Variants in SPIRE2 observed in about 807,000 individuals in gnomAD.
SPIRE2 encodes spire type actin nucleation factor 2.
A neutral mutation model predicts 80.7 loss-of-function variants in SPIRE2; 76 were observed. The observed-to-expected ratio is 0.94, with a 90% CI of 0.78 to 1.14. The LOEUF is 1.14. Ranked by LOEUF, SPIRE2 falls within the 50% of genes most tolerant of loss-of-function variation. SPIRE2 has a pLI of 0.00. For missense variants in SPIRE2, 1,196 were observed against 1,015.3 expected (o/e 1.18, Z -2.42); for synonymous variants, 535 against 432.6 (o/e 1.24, Z -2.94).
At chr16:89,860,179 C>T (rs2041730104) in intron 9 of SPIRE2, among the ~76,000 whole-genome samples, 1 of 152,162 alleles carries the variant, frequency 6.6e-6, no homozygotes, top group Non-Finnish European at 1.5e-5. Context: ...GGCTCAGACA[C>T]GGGGGCCCTT....
At position 89,858,455 on chromosome 16, in the gene SPIRE2, T is replaced by C. The variant is rs773174068; in HGVS notation, c.1220T>C (p.Val407Ala). 1.9e-6 allele frequency: 3 copies of C among 1,610,598 alleles called. No homozygotes were observed. The highest frequency in any genetic ancestry group is 1.3e-5 in the African/African-American group (1 of 74,984). The change falls in exon 8 of 15, where the codon GTG (valine) becomes GCG (alanine). Residue 407 changes from valine to alanine, a missense_variant. Physicochemically the swap from Val to Ala is moderately conservative, Grantham distance 64. Coordinates refer to ENST00000378247, the MANE Select transcript of SPIRE2 (RefSeq NM_032451.2). ...AGCGCCCAGCGCCCGCGGCCCCGCG[T>C]GCTGCTCAAGGCGCCTACCTTGGCT... The part of the protein sequence containing the change: ...GGSAQRPRPR[V>A]LLKAPTLAEM...
intron 1 of SPIRE2, among the ~76,000 whole-genome samples, chr16:89,838,404 G>T (rs1297036306): frequency 2.0e-5 from 3 of 152,064 alleles, no homozygotes; most frequent in Non-Finnish European, 4.4e-5. Context: ...GGCTGGTCTT[G>T]AACCCCTTAC....
rs567045799 is a variant in SPIRE2, at chr16:89,870,584, A to G, written c.*312A>G. On this transcript the variant is annotated 3_prime_UTR_variant, in exon 15 of 15. Transcript: ENST00000378247. ...TAGATCCTGGCACAGACTGCATCCC[A>G]TGTTCCCATGCTCTTCTCCGTCCCC... 46 of 261,220 alleles carry G rather than the reference A, an allele frequency of 1.8e-4. No individual in the cohort carries two copies. The highest frequency in any genetic ancestry group is 9.0e-4 in the African/African-American group (41 of 45,570). 16.2% of individuals were successfully genotyped at this position (261,220 alleles called of 1,614,324 possible). A position where few individuals can be genotyped will look rare whatever the true frequency, so the allele number is the denominator to read the frequency against.
chr16:89,833,784 A>G (rs918183452), intron 1 of SPIRE2, among the ~76,000 whole-genome samples: 1 of 152,162 alleles, frequency 6.6e-6, no homozygotes, highest in Non-Finnish European at 1.5e-5. Flanking sequence ...GCGAATCCCG[A>G]CCGGATTCTC....
At chr16:89,854,726 C>G (rs1318837966) in intron 5 of SPIRE2, 75 bp downstream of exon 5, 1 of 1,538,654 alleles carries the variant, frequency 6.5e-7, no homozygotes, top group Non-Finnish European at 8.8e-7. Context: ...GATGAGCAGC[C>G]TGGATGTTGG....
intron 12 of SPIRE2, among the ~76,000 whole-genome samples, chr16:89,865,004 CTT>C (rs398042284): frequency 2.4e-5 from 3 of 125,354 alleles, no homozygotes; most frequent in Non-Finnish European, 1.7e-5. Flanking sequence ...ACTTTTTTTC[CTT>C]TTTTTTTTTT....
At chr16:89,839,654 C>A (rs151278976) in intron 1 of SPIRE2, among the ~76,000 whole-genome samples, 1 of 152,178 alleles carries the variant, frequency 6.6e-6, no homozygotes, top group South Asian at 2.1e-4. Flanking sequence ...TCACAGTCAG[C>A]GTTTAAGCAG....
At position 89,863,948 on chromosome 16, in the gene SPIRE2, T is replaced by A; in HGVS notation, c.1778+87T>A. On this transcript the variant is annotated intron_variant, in intron 12 of 14. Transcript: ENST00000378247. This position sits in a 1 kb window ranked among gnomAD's most constrained non-coding sequence, Gnocchi z 4.3. ...GTACCGCCCACAGAACTTCCTGTGA[T>A]TCCAGGAATGTTCTAGCATGTTCGA... 5 of 994,728 alleles carry A rather than the reference T, an allele frequency of 5.0e-6. No individual in the cohort carries two copies. The highest frequency in any genetic ancestry group is 7.7e-6 in the Non-Finnish European group (5 of 648,082). 61.6% of individuals were successfully genotyped at this position (994,728 alleles called of 1,614,324 possible). A position where few individuals can be genotyped will look rare whatever the true frequency, so the allele number is the denominator to read the frequency against.
chr16:89,870,168 C>T lies in SPIRE2; in HGVS notation c.2041C>T (p.Arg681Cys), dbSNP rs533792288. ...ECTSFVADVVRSSRKSVDVLN... is the reference protein window; with the variant it reads ...ECTSFVADVVCSSRKSVDVLN... ...CACCAGCTTTGTGGCAGACGTGGTG[C>T]GTTCCAGCCGCAAGAGCGTGGACGT... Residue 681 changes from arginine to cysteine, a missense_variant, in exon 15 of 15, where the codon CGT becomes TGT. By Grantham distance (180) the Arg-to-Cys change is radical (BLOSUM62 -3). Coordinates refer to ENST00000378247, the MANE Select transcript of SPIRE2 (RefSeq NM_032451.2). The T allele has an allele frequency of 1.1e-5, 18 of 1,610,198 alleles. No homozygotes were observed. Among genetic ancestry groups the T allele is most frequent in the Non-Finnish European group, 1.4e-5 (16 of 1,178,618 alleles).
intron 10 of SPIRE2, 124 bp downstream of exon 10, chr16:89,860,919 C>T: frequency 1.7e-6 from 1 of 600,850 alleles, no homozygotes; most frequent in South Asian, 2.3e-5. Flanking sequence ...GCCTGAGCGT[C>T]CGTCTGGGGG....
chr16:89,836,262 C>A (rs754296435), intron 1 of SPIRE2: 1 of 455,968 alleles, frequency 2.2e-6, no homozygotes, highest in Non-Finnish European at 4.4e-6. Flanking sequence ...GGGGTCAGCA[C>A]CTGGACCCTC....
chr16:89,862,247 C>T (rs957632234), intron 10 of SPIRE2: 3 of 152,114 alleles, frequency 2.0e-5, no homozygotes, highest in African/African-American at 7.2e-5. Context: ...TCATCATCCG[C>T]CCTCTTCGGC....
Position 89,860,679 on chromosome 16 carries a change from C to A in SPIRE2, c.1463-4C>A. 1.9e-6 allele frequency: 3 copies of A among 1,573,624 alleles called. No homozygotes were observed. The highest frequency in any genetic ancestry group is 2.6e-6 in the Non-Finnish European group (3 of 1,156,416). ...GTCCTGATGGAGCCTCTGCTCTCCC[C>A]CAGGTACCTGTCCCGCGAGTGTCTC... On this transcript the variant is annotated splice_polypyrimidine_tract_variant and splice_region_variant and intron_variant, in intron 9 of 14. Coordinates refer to ENST00000378247, the MANE Select transcript of SPIRE2 (RefSeq NM_032451.2).
At chr16:89,858,552 G>C in intron 8 of SPIRE2, 45 bp downstream of exon 8, 1 of 1,493,702 alleles carries the variant, frequency 6.7e-7, no homozygotes, top group Non-Finnish European at 8.9e-7. Flanking sequence ...GGAATGGGAG[G>C]ATGGGGGCCA....
Position 89,828,708 on chromosome 16 carries a change from G to A in SPIRE2, c.158G>A (p.Gly53Asp). ...TTCCAGGGCTGCCGCGGGCTGCGGG[G>A]CTCGCCGGGCCGGCGCCTGCGGGAT... ...VCFQGCRGLR[G>D]SPGRRLRDTG... is the part of the protein sequence containing the mutation. Residue 53 changes from glycine (G) to aspartate (D), a missense_variant, in exon 1 of 15, where the codon GGC becomes GAC. Transcript: ENST00000378247. The surrounding 1 kb of genome is among the most constrained non-coding windows in gnomAD (Gnocchi z 5.9). The A allele has an allele frequency of 7.9e-7, 1 of 1,272,326 alleles. No homozygotes were observed. The highest frequency in any genetic ancestry group is 9.9e-7 in the Non-Finnish European group (1 of 1,005,586). 78.8% of individuals were successfully genotyped at this position (1,272,326 alleles called of 1,614,324 possible).
At position 89,870,472 on chromosome 16, in the gene SPIRE2, G is replaced by A. The variant is rs1249693173; in HGVS notation, c.*200G>A. The A allele has an allele frequency of 1.1e-5, 6 of 525,136 alleles. No individual in the cohort carries two copies. The highest frequency in any genetic ancestry group is 1.1e-4 in the African/African-American group (6 of 52,712). 32.5% of individuals were successfully genotyped at this position (525,136 alleles called of 1,614,324 possible). On this transcript the variant is annotated 3_prime_UTR_variant, in exon 15 of 15. Coordinates refer to ENST00000378247, the MANE Select transcript of SPIRE2 (RefSeq NM_032451.2). ...GCACTTCAAAACCCTCCCTGGGGGA[G>A]GCTGTTTCTTCTCAGGATTCCTTGC...
rs752078690 is a variant in SPIRE2, at chr16:89,855,617, G to A, written c.909G>A (p.Pro303=). Residue 303 remains proline (P), a synonymous_variant, in exon 6 of 15, where the codon CCG becomes CCA. Transcript: ENST00000378247. The part of the protein sequence containing the change: ...LRKVMVDGDI[P]PRVKKDAHEL... ...CCCCGCAGGTGGATGGGGACATCCC[G>A]CCCCGGGTGAAGAAGGACGCTCACG... 2.0e-5 allele frequency: 32 copies of A among 1,612,694 alleles called. No individual in the cohort carries two copies. The highest frequency in any genetic ancestry group is 3.3e-5 in the South Asian group (3 of 91,064).
chr16:89,868,459 T>A (rs2041808709), intron 13 of SPIRE2, among the ~76,000 whole-genome samples: 2 of 152,216 alleles, frequency 1.3e-5, no homozygotes, highest in Admixed American at 1.3e-4. Context: ...CCTCTAAAAG[T>A]CCTACCTTCT....
At chr16:89,843,162 A>C (rs1363191805) in intron 1 of SPIRE2, among the ~76,000 whole-genome samples, 1 of 152,110 alleles carries the variant, frequency 6.6e-6, no homozygotes, top group Non-Finnish European at 1.5e-5. Flanking sequence ...GCATCTTGGG[A>C]ACCCCGGGGG....
Sources: gnomAD v4.1 joint callset for allele counts (sites outside exome capture counted in the v4.1 genomes callset) on GRCh38, gnomAD v4.1.1 for gene constraint, Gnocchi (gnomAD v3.1) non-coding constraint, MANE v1.5 for transcripts, NCBI Gene and HGNC (gene_info 2026-07-23, HGNC 2026-07-21) for gene names.